The following SPECC1L variants were observed in gnomAD, a reference collection of about 807,000 sequenced individuals.
The protein encoded by SPECC1L is sperm antigen with calponin homology and coiled-coil domains 1 like, also known as cytospin-A.
SPECC1L carries 40 observed loss-of-function variants against 116.8 expected under a neutral mutation model. The ratio of observed to expected loss-of-function variants is 0.34; its 90% CI spans 0.27 to 0.45. The LOEUF (loss-of-function observed/expected upper bound fraction) is 0.45, where lower values mean the gene tolerates loss of function less well. Ranked by LOEUF, SPECC1L falls within the 20% of genes least tolerant of loss-of-function variation. The pLI is 1.00. For missense variants in SPECC1L, 1,110 were observed against 1,373.6 expected (o/e 0.81, Z 3.03); for synonymous variants, 504 against 500.6 (o/e 1.01, Z -0.09).
In SPECC1L at chr22:24,334,302, G is replaced by A. The variant is rs146793488; in HGVS notation, c.2397-108G>A. Reference sequence around the variant, plus strand: ...GCTGGGATTACAGGTGTGAGCCACCGTGCCCGGCCATTAAACTGATAGTTT... The same window carrying A: ...GCTGGGATTACAGGTGTGAGCCACCATGCCCGGCCATTAAACTGATAGTTT... On this transcript the variant is annotated intron_variant, in intron 8 of 16. Transcript: ENST00000314328. 3.7e-3 allele frequency: 4,325 copies of A among 1,161,052 alleles called. 24 individuals carry two copies. The highest frequency in any genetic ancestry group is 9.8e-3 in the Middle Eastern group (39 of 3,994). The allele number at this position is 1,161,052 out of a possible 1,614,324, so 71.9% of individuals were successfully genotyped here.
chr22:24,353,443 G>A (rs1231996291), intron 11 of SPECC1L, among the ~76,000 whole-genome samples: 2 of 151,980 alleles, frequency 1.3e-5, no homozygotes, highest in Non-Finnish European at 2.9e-5. Flanking sequence ...TTTTTTGTTT[G>A]TTTGTTTTGT....
rs557114550 is a variant in SPECC1L, at chr22:24,350,647, TC to T, written c.2743+3473del. On this transcript the variant is annotated intron_variant, in intron 11 of 16. Coordinates refer to ENST00000314328, the MANE Select transcript of SPECC1L (RefSeq NM_015330.6). ...AACTAAAGCACCTACACAAGTTGTG[TC>T]CTAGGCATCTTTAAAAAGCTCTATG... 1.8e-3 allele frequency among the ~76,000 whole-genome samples: 274 copies of T among 152,304 alleles called. 1 individual carries two copies. The highest frequency in any genetic ancestry group is 6.8e-3 in the Middle Eastern group (2 of 294).
At chr22:24,327,864 A>T (rs534338796) in intron 6 of SPECC1L, among the ~76,000 whole-genome samples, 1 of 152,200 alleles carries the variant, frequency 6.6e-6, no homozygotes, top group Non-Finnish European at 1.5e-5. Context: ...TGGCGGCAAC[A>T]TGGTACAAGG....
chr22:24,399,405 C>T (rs1054668525), intron 14 of SPECC1L, among the ~76,000 whole-genome samples: 8 of 152,014 alleles, frequency 5.3e-5, no homozygotes, highest in Admixed American at 1.3e-4. Flanking sequence ...TCCATCTTTA[C>T]TAAAAATACA....
intron 12 of SPECC1L, among the ~76,000 whole-genome samples, chr22:24,365,269 A>G (rs1452144584): frequency 6.6e-6 from 1 of 152,046 alleles, no homozygotes; most frequent in African/African-American, 2.4e-5. Flanking sequence ...CGGCCTCCCA[A>G]AGTTCTGGGA....
At chr22:24,374,087 A>G (rs933440689) in intron 14 of SPECC1L, among the ~76,000 whole-genome samples, 16 of 152,094 alleles carry the variant, frequency 1.1e-4, no homozygotes, top group African/African-American at 3.4e-4. Context: ...ATCTCACACC[A>G]GTTAGAATGG....
At chr22:24,386,907 A>C (rs1260485380) in intron 14 of SPECC1L, among the ~76,000 whole-genome samples, 1 of 152,168 alleles carries the variant, frequency 6.6e-6, no homozygotes, top group African/African-American at 2.4e-5. Flanking sequence ...CCTGGCCCTC[A>C]GGATCTAATT....
At chr22:24,326,209 GC>G (rs1444454045) in intron 6 of SPECC1L, among the ~76,000 whole-genome samples, 1 of 152,152 alleles carries the variant, frequency 6.6e-6, no homozygotes, top group Non-Finnish European at 1.5e-5. Context: ...GATATTACAG[GC>G]CTGTGCCACC....
At chr22:24,316,477 ACT>A (rs936608130) in intron 4 of SPECC1L, among the ~76,000 whole-genome samples, 5 of 150,948 alleles carry the variant, frequency 3.3e-5, no homozygotes, top group African/African-American at 9.8e-5. Flanking sequence ...AGTGGTGATG[ACT>A]CTGAACGAGC....
chr22:24,392,808 C>T (rs1161128969), intron 14 of SPECC1L, among the ~76,000 whole-genome samples: 1 of 152,208 alleles, frequency 6.6e-6, no homozygotes, highest in East Asian at 1.9e-4. Flanking sequence ...CTCATCTCAT[C>T]TCATCTCCGC....
intron 1 of SPECC1L, among the ~76,000 whole-genome samples, chr22:24,273,526 T>G (rs1302278649): frequency 2.0e-5 from 3 of 152,204 alleles, no homozygotes; most frequent in Non-Finnish European, 2.9e-5. Flanking sequence ...TTTTTAAAAA[T>G]AAAGAGAGCC....
intron 3 of SPECC1L, among the ~76,000 whole-genome samples, chr22:24,303,340 G>A (rs556510834): frequency 1.4e-4 from 21 of 152,322 alleles, no homozygotes; most frequent in Admixed American, 1.2e-3. Context: ...CTGTGGCCCT[G>A]AGGAATTGTT....
At chr22:24,310,650 T>C (rs2040444486) in intron 3 of SPECC1L, among the ~76,000 whole-genome samples, 4 of 152,160 alleles carry the variant, frequency 2.6e-5, no homozygotes, top group Admixed American at 2.6e-4. Flanking sequence ...TTCATTTTGT[T>C]CATTTTTCTG....
chr22:24,285,628 G>GTT (rs149025300), intron 2 of SPECC1L, among the ~76,000 whole-genome samples: 49 of 147,030 alleles, frequency 3.3e-4, no homozygotes, highest in Non-Finnish European at 6.9e-4. Context: ...CAATACTGCT[G>GTT]TTTTTTTTTT....
At chr22:24,378,467 C>G (rs1480763271) in intron 14 of SPECC1L, among the ~76,000 whole-genome samples, 1 of 152,354 alleles carries the variant, frequency 6.6e-6, no homozygotes, top group East Asian at 1.9e-4. Flanking sequence ...AACTTTTCCT[C>G]TGCATTCACA....
chr22:24,365,543 T>C lies in SPECC1L; in HGVS notation c.2895T>C (p.Ser965=). 6.2e-7 allele frequency: 1 copy of C among 1,614,062 alleles called. No individual in the cohort carries two copies. Among genetic ancestry groups the C allele is most frequent in the Non-Finnish European group, 8.5e-7 (1 of 1,179,964 alleles). The change falls in exon 13 of 17, where the codon TCT becomes TCC. Residue 965 remains serine (S), a synonymous_variant. Coordinates refer to ENST00000314328, the MANE Select transcript of SPECC1L (RefSeq NM_015330.6). ...CACAGGAGGGAGCGTCGCCAGCCTC[T>C]CTGATGGCTATGGGAACCACGTCTC... ...ISAQEGASPA[S]LMAMGTTSPQ...
At chr22:24,380,740 A>G (rs1265014427) in intron 14 of SPECC1L, among the ~76,000 whole-genome samples, 1 of 152,208 alleles carries the variant, frequency 6.6e-6, no homozygotes. Context: ...GTTTATTATC[A>G]GGTTTACAGA....
At chr22:24,310,759 T>A (rs2040446680) in intron 3 of SPECC1L, among the ~76,000 whole-genome samples, 1 of 152,194 alleles carries the variant, frequency 6.6e-6, no homozygotes. Flanking sequence ...TTTCCCAGTT[T>A]TTTATGTTTT....
At chr22:24,373,528 G>T (rs1569440258) in intron 14 of SPECC1L, among the ~76,000 whole-genome samples, 1 of 152,172 alleles carries the variant, frequency 6.6e-6, no homozygotes, top group Non-Finnish European at 1.5e-5. Flanking sequence ...ATGGGGAAAG[G>T]ATTCCCTATT....
Sources: allele counts gnomAD v4.1 joint callset (sites outside exome capture counted in the v4.1 genomes callset), GRCh38; gene constraint gnomAD v4.1.1; transcripts MANE v1.5; gene names NCBI Gene and HGNC (gene_info 2026-07-23, HGNC 2026-07-21).